DOCK4: variants seen among roughly 807,000 people sequenced by gnomAD.
The protein encoded by DOCK4 is dedicator of cytokinesis protein 4.
In DOCK4, 97 loss-of-function variants were observed where a neutral mutation model predicts 268.1. The observed-to-expected ratio is 0.36, with a 90% CI of 0.31 to 0.43. The LOEUF (loss-of-function observed/expected upper bound fraction) is 0.43, where lower values mean the gene tolerates loss of function less well. Among genes scored for constraint, DOCK4 ranks in the 20% least tolerant of loss-of-function variants. The pLI is 1.00. For synonymous variants in DOCK4, 954 were observed against 887.2 expected (o/e 1.08, Z -1.34); for missense variants, 2,145 against 2,455.7 (o/e 0.87, Z 2.67).
intron 1 of DOCK4, among the ~76,000 whole-genome samples, chr7:112,106,373 A>G (rs190278734): frequency 1.1e-3 from 166 of 152,352 alleles, no homozygotes; most frequent in African/African-American, 3.4e-3. Context: ...AAAGCTGAGA[A>G]TTTAACCAGA....
intron 1 of DOCK4, among the ~76,000 whole-genome samples, chr7:112,187,867 TC>T (rs1464188941): frequency 3.3e-5 from 5 of 152,238 alleles, no homozygotes; most frequent in Admixed American, 6.5e-5. Flanking sequence ...TCCCTTTTTT[TC>T]ACAACTGAAA....
chr7:111,847,109 G>A lies in DOCK4; in HGVS notation c.2491C>T (p.Leu831=). The A allele has an allele frequency of 6.2e-7, 1 of 1,613,814 alleles. No individual in the cohort carries two copies. The highest frequency in any genetic ancestry group is 8.5e-7 in the Non-Finnish European group (1 of 1,179,748). ...YTNPDSRYIL[L]PVVLHHLHIH... is the part of the protein sequence containing the mutation. ...TGGAGGTGATGTAACACGACAGGCA[G>A]AAGAATGTATCGGGAATCTGAAGAG... Residue 831 remains leucine (L), a synonymous_variant, in exon 24 of 53, where the codon CTG becomes TTG. Transcript: ENST00000428084.
At chr7:111,936,171 T>C (rs1021637310) in intron 11 of DOCK4, among the ~76,000 whole-genome samples, 1 of 152,172 alleles carries the variant, frequency 6.6e-6, no homozygotes, top group African/African-American at 2.4e-5. Context: ...AGAATCAAAA[T>C]GCAGCAAATT....
At chr7:111,767,784 A>T (rs565961628) in intron 37 of DOCK4, among the ~76,000 whole-genome samples, 18 of 152,228 alleles carry the variant, frequency 1.2e-4, no homozygotes, top group Non-Finnish European at 2.6e-4. Context: ...CCTAAGGCCC[A>T]ATTATCTGTG....
intron 1 of DOCK4, 161 bp from the exon 2 acceptor site, chr7:112,004,292 A>C (rs1262551376): frequency 1.0e-5 from 6 of 576,746 alleles, no homozygotes; most frequent in Non-Finnish European, 1.8e-5. Context: ...AAAATCACTA[A>C]GTTCACATAC....
chr7:112,192,570 T>C (rs1418122292), intron 1 of DOCK4, among the ~76,000 whole-genome samples: 3 of 152,334 alleles, frequency 2.0e-5, no homozygotes, highest in African/African-American at 4.8e-5. Context: ...AGGGGAAATA[T>C]CTGTCTTAAC....
At chr7:111,777,249 A>T (rs1308671196) in intron 36 of DOCK4, among the ~76,000 whole-genome samples, 1 of 152,226 alleles carries the variant, frequency 6.6e-6, no homozygotes, top group Non-Finnish European at 1.5e-5. Flanking sequence ...TCCAGTAAAC[A>T]TATCCTTCAG....
intron 12 of DOCK4, among the ~76,000 whole-genome samples, chr7:111,916,301 A>ACAAAG (rs1792581274): frequency 6.6e-6 from 1 of 152,182 alleles, no homozygotes; most frequent in Admixed American, 6.5e-5. Context: ...ACAAAACAAA[A>ACAAAG]CAAAAGGCCT....
At chr7:111,781,978 C>T (rs985168555) in intron 35 of DOCK4, among the ~76,000 whole-genome samples, 7 of 152,132 alleles carry the variant, frequency 4.6e-5, no homozygotes, top group African/African-American at 1.7e-4. Flanking sequence ...TAATAGATGG[C>T]GAGGATTCAT....
At chr7:112,023,443 AG>A (rs1336436800) in intron 1 of DOCK4, 2 of 296,992 alleles carry the variant, frequency 6.7e-6, no homozygotes, top group Admixed American at 8.8e-5. Context: ...GCAGCCAGAC[AG>A]GGTGACAGAG....
At chr7:111,833,145 A>G (rs1464270848) in intron 26 of DOCK4, among the ~76,000 whole-genome samples, 1 of 152,166 alleles carries the variant, frequency 6.6e-6, no homozygotes, top group Non-Finnish European at 1.5e-5. Flanking sequence ...CTTCTAACGA[A>G]AGTTAATAAA....
At chr7:111,924,936 G>A (rs1793475347) in intron 12 of DOCK4, among the ~76,000 whole-genome samples, 1 of 151,950 alleles carries the variant, frequency 6.6e-6, no homozygotes, top group East Asian at 1.9e-4. Flanking sequence ...TGGGAGGTGG[G>A]GGCTGAGAGT....
In DOCK4 at chr7:111,921,616, T is replaced by C. The variant is rs75592457; in HGVS notation, c.1067-5712A>G. Among the ~76,000 whole-genome samples the C allele has an allele frequency of 0.011, 1,650 of 152,290 alleles. 84 individuals are homozygous for C. In the East Asian group the frequency reaches 0.12, roughly 11 times the overall value. On this transcript the variant is annotated intron_variant, in intron 12 of 52. Coordinates refer to ENST00000428084, the MANE Select transcript of DOCK4 (RefSeq NM_001363540.2). ...TACTAAGTGTGCAGTTTAAGAATCA[T>C]ATCATATGGTTGCAAGTGACTGCCT... is the stretch of plus-strand genomic sequence containing the variant.
At chr7:111,894,753 G>T (rs1011267985) in intron 16 of DOCK4, among the ~76,000 whole-genome samples, 2 of 152,300 alleles carry the variant, frequency 1.3e-5, no homozygotes, top group East Asian at 3.9e-4. Flanking sequence ...GAGGCAGTAG[G>T]GAGGTAGAAG....
intron 1 of DOCK4, among the ~76,000 whole-genome samples, chr7:112,137,043 A>G (rs924230140): frequency 2.6e-5 from 4 of 152,202 alleles, no homozygotes; most frequent in African/African-American, 4.8e-5. Context: ...GAAACTACCA[A>G]CCACGTTTAG....
intron 1 of DOCK4, among the ~76,000 whole-genome samples, chr7:112,060,180 A>G (rs1421842380): frequency 6.6e-6 from 1 of 152,208 alleles, no homozygotes; most frequent in African/African-American, 2.4e-5. Context: ...TTTTTAAGAC[A>G]TTTAAAGGTC....
At chr7:111,803,592 A>G (rs542385666) in intron 30 of DOCK4, among the ~76,000 whole-genome samples, 9 of 152,188 alleles carry the variant, frequency 5.9e-5, no homozygotes, top group Non-Finnish European at 1.0e-4. Context: ...TTTAGTAAGA[A>G]TGTTAGTTCA....
chr7:112,059,895 C>G (rs1806239742), intron 1 of DOCK4, among the ~76,000 whole-genome samples: 1 of 151,974 alleles, frequency 6.6e-6, no homozygotes, highest in Non-Finnish European at 1.5e-5. Flanking sequence ...AAACTCAGAA[C>G]AAGAAGAAAG....
At position 111,844,900 on chromosome 7, in the gene DOCK4, T is replaced by C. The variant is rs1803973890; in HGVS notation, c.2602-3A>G. The stretch of plus-strand genomic sequence containing the variant: ...ATTTCCTCCAGCACAGATTTTTCCT[T>C]AAGAGAAAAAAAATAATATGTTCAG... On this transcript the variant is annotated splice_region_variant and splice_polypyrimidine_tract_variant and intron_variant, in intron 24 of 52. Coordinates refer to ENST00000428084, the MANE Select transcript of DOCK4 (RefSeq NM_001363540.2). 1.2e-6 allele frequency: 2 copies of C among 1,601,654 alleles called. No homozygotes were observed. The highest frequency in any genetic ancestry group is 1.7e-6 in the Non-Finnish European group (2 of 1,175,252).
Sources: gnomAD v4.1 joint callset for allele counts (sites outside exome capture counted in the v4.1 genomes callset) on GRCh38, gnomAD v4.1.1 for gene constraint, MANE v1.5 for transcripts, NCBI Gene and HGNC (gene_info 2026-07-23, HGNC 2026-07-21) for gene names.